BPIFB2: variants seen among roughly 807,000 people sequenced by gnomAD.
The protein encoded by BPIFB2 is BPI fold-containing family B member 2.
A neutral mutation model predicts 50.1 loss-of-function variants in BPIFB2; 39 were observed. That is an observed-to-expected ratio of 0.78 (90% CI 0.60 to 1.02). BPIFB2 has a LOEUF of 1.02. BPIFB2 is among the 50% of genes least tolerant of loss of function. BPIFB2 has a pLI of 0.00. For synonymous variants in BPIFB2, 280 were observed against 256.3 expected (o/e 1.09, Z -0.88); for missense variants, 574 against 585.8 (o/e 0.98, Z 0.21).
At position 33,021,732 on chromosome 20, in the gene BPIFB2, C is replaced by T; in HGVS notation, c.1268C>T (p.Ala423Val). 1 of 1,614,112 alleles carries T rather than the reference C, an allele frequency of 6.2e-7. No individual in the cohort carries two copies. The highest frequency in any genetic ancestry group is 8.5e-7 in the Non-Finnish European group (1 of 1,179,950). The change falls in exon 15 of 16, where the codon GCC (alanine) becomes GTC (valine). Residue 423 changes from alanine (A) to valine (V), a missense_variant. Physicochemically the swap from Ala to Val is moderately conservative, Grantham distance 64 (BLOSUM62 0). Transcript: ENST00000170150. ...PLLDHLNALL[A>V]MGIALPGVVN... is the part of the protein sequence containing the mutation. ...TCTTTCTCGCCTGCAGCTCTCTTGGCCATGGGAATTGCCCTCCCTGGTGTG... is the reference window on the plus strand; with the variant it reads ...TCTTTCTCGCCTGCAGCTCTCTTGGTCATGGGAATTGCCCTCCCTGGTGTG...
At chr20:33,013,745 T>C (rs1413304891) in intron 4 of BPIFB2, 65 bp from the exon 5 acceptor site, 1 of 1,554,710 alleles carries the variant, frequency 6.4e-7, no homozygotes, top group Non-Finnish European at 8.7e-7. Flanking sequence ...TTGTAAGATC[T>C]ATCATCAGTC....
In BPIFB2 at chr20:33,013,764, C is replaced by A. The variant is rs779151273; in HGVS notation, c.309-46C>A. ...AAGATCTATCATCAGTCATGGTGGG[C>A]TCTGCTGGGCGGTGCTGCTCGGGCT... is the stretch of plus-strand genomic sequence containing the variant. On this transcript the variant is annotated intron_variant, in intron 4 of 15. Coordinates refer to ENST00000170150, the MANE Select transcript of BPIFB2 (RefSeq NM_025227.3). 7 of 1,586,266 alleles carry A rather than the reference C, an allele frequency of 4.4e-6. No homozygotes were observed. The Admixed American group carries it at 1.2e-4, about 27-fold the overall frequency.
At chr20:33,020,448 G>A in intron 12 of BPIFB2, 53 bp downstream of exon 12, 1 of 1,604,748 alleles carries the variant, frequency 6.2e-7, no homozygotes, top group South Asian at 1.1e-5. Flanking sequence ...CTGTGCCATG[G>A]GTCCATCACC....
chr20:33,011,889 G>C (rs1450656544), intron 3 of BPIFB2, among the ~76,000 whole-genome samples: 1 of 152,214 alleles, frequency 6.6e-6, no homozygotes, highest in African/African-American at 2.4e-5. Context: ...TGAGGTGGGA[G>C]AATCTCTTGA....
chr20:33,017,136 C>T lies in BPIFB2; in HGVS notation c.577+34C>T, dbSNP rs375244658. ...TGGGAGCCAGGGGAGGGGGCTGGGG[C>T]CTCTGGGACCCCCTGGAGCCCCTAG... On this transcript the variant is annotated intron_variant, in intron 7 of 15. Transcript: ENST00000170150. 5.0e-6 allele frequency: 8 copies of T among 1,599,148 alleles called. No individual in the cohort carries two copies. In the South Asian group the frequency reaches 8.8e-5, roughly 18 times the overall value.
In BPIFB2 at chr20:33,014,080, G is replaced by C. The variant is rs115976602; in HGVS notation, c.455+124G>C. 8 of 1,294,028 alleles carry C rather than the reference G, an allele frequency of 6.2e-6. No individual in the cohort carries two copies. The South Asian group carries it at 1.2e-4, about 20-fold the overall frequency. The allele number at this position is 1,294,028 out of a possible 1,614,324, so 80.2% of individuals were successfully genotyped here. ...AAGGGCCTCAGGGGCCCCCATTATT[G>C]TGCTTGTTTTATGTCGGAGGACACT... On this transcript the variant is annotated intron_variant, in intron 5 of 15. Transcript: ENST00000170150.
At chr20:33,012,936 G>C in intron 4 of BPIFB2, 29 bp downstream of exon 4, 1 of 1,575,476 alleles carries the variant, frequency 6.3e-7, no homozygotes. Context: ...TAGGGGGTGA[G>C]AAGGGTTTTG....
intron 10 of BPIFB2, 102 bp from the exon 11 acceptor site, chr20:33,019,478 C>T: frequency 4.6e-6 from 6 of 1,313,412 alleles, no homozygotes; most frequent in Middle Eastern, 5.4e-4. Context: ...TGCCCAGTCA[C>T]ATACAGCGCC....
At chr20:33,020,961 C>T (rs1051750891) in intron 13 of BPIFB2, among the ~76,000 whole-genome samples, 11 of 152,198 alleles carry the variant, frequency 7.2e-5, no homozygotes, top group Non-Finnish European at 1.5e-5. Context: ...CGGTCATCTG[C>T]GTCAGGCAGT....
intron 4 of BPIFB2, among the ~76,000 whole-genome samples, chr20:33,013,581 G>A (rs1044530858): frequency 1.3e-5 from 2 of 152,188 alleles, no homozygotes; most frequent in African/African-American, 4.8e-5. Context: ...AGAGGCTCCG[G>A]ACAGCCAGTG....
intron 8 of BPIFB2, 36 bp from the exon 9 acceptor site, chr20:33,018,601 C>T (rs374100519): frequency 6.4e-7 from 1 of 1,566,264 alleles, no homozygotes. Flanking sequence ...TGAGGCCCTG[C>T]TGCTTTTCTC....
intron 6 of BPIFB2, 36 bp downstream of exon 6, chr20:33,015,532 T>A (rs762168559): frequency 6.5e-7 from 1 of 1,540,434 alleles, no homozygotes; most frequent in East Asian, 2.3e-5. Flanking sequence ...AAGGAGGGCA[T>A]GGCTTCACCG....
At chr20:33,012,929 G>A in intron 4 of BPIFB2, 22 bp downstream of exon 4, 1 of 1,580,150 alleles carries the variant, frequency 6.3e-7, no homozygotes, top group Non-Finnish European at 8.7e-7. Context: ...TCCTTGTTAG[G>A]GGGTGAGAAG....
chr20:33,020,582 A>G lies in BPIFB2; in HGVS notation c.1189A>G (p.Ile397Val), dbSNP rs148403687. The G allele has an allele frequency of 6.2e-5, 100 of 1,608,298 alleles. 1 individual carries two copies. In the South Asian group the frequency reaches 9.4e-4, roughly 15 times the overall value. Residue 397 changes from isoleucine to valine, a missense_variant, in exon 13 of 16, where the codon ATT becomes GTT. Transcript: ENST00000170150. ...LTVASSNVGF[I>V]DTDQVRTLMG... ...GGTGGCCTCCTCCAACGTGGGCTTC[A>G]TTGATGTGAGTGTGGGGCTGGGGCC...
Position 33,018,654 on chromosome 20 carries a change from G to T in BPIFB2, c.687G>T (p.Leu229=), listed in dbSNP as rs1354490719. The change falls in exon 9 of 16, where the codon CTG becomes CTT. Residue 229 remains leucine, a synonymous_variant. Transcript: ENST00000170150. The part of the protein sequence containing the change: ...SLEVNAVLFL[L]GKPIILPTDA... ...CCCTACAGGCTGTTCTCTTCCTGCT[G>T]GGCAAGCCCATCATCCTGCCCACGG... The T allele has an allele frequency of 4.3e-6, 7 of 1,613,022 alleles. No homozygotes were observed. The Admixed American group carries it at 6.7e-5, about 15-fold the overall frequency.
chr20:33,015,275 T>C (rs1978375087), intron 5 of BPIFB2, among the ~76,000 whole-genome samples, 161 bp from the exon 6 acceptor site: 1 of 152,102 alleles, frequency 6.6e-6, no homozygotes, highest in Non-Finnish European at 1.5e-5. Context: ...ATGGGGCCAG[T>C]TATGCCAGCA....
chr20:33,009,628 TG>T lies in BPIFB2; in HGVS notation c.109+946del, dbSNP rs1383495718. ...CATATCCGGGCTGATGGGCAGGCAA[TG>T]AAAGGGGTCAGTGATCCGTGCCAGA... On this transcript the variant is annotated intron_variant, in intron 2 of 15. Coordinates refer to ENST00000170150, the MANE Select transcript of BPIFB2 (RefSeq NM_025227.3). The surrounding 1 kb of genome is among the most constrained non-coding windows in gnomAD (Gnocchi z 4.2). Among the ~76,000 whole-genome samples, 1 of 152,012 alleles carries T rather than the reference TG, an allele frequency of 6.6e-6. No homozygotes were observed.
chr20:33,008,542 C>T lies in BPIFB2; in HGVS notation c.-33C>T, dbSNP rs747828974. 2.6e-6 allele frequency: 4 copies of T among 1,538,942 alleles called. No individual in the cohort carries two copies. The highest frequency in any genetic ancestry group is 1.8e-6 in the Non-Finnish European group (2 of 1,137,636). Reference sequence around the variant, plus strand: ...CCCTGATGCTCATTTCTACCCCAGCCCACAGATCCTGTGGGCAGCGGCCAG... The same window carrying T: ...CCCTGATGCTCATTTCTACCCCAGCTCACAGATCCTGTGGGCAGCGGCCAG... On this transcript the variant is annotated splice_region_variant and 5_prime_UTR_variant, in exon 2 of 16. Transcript: ENST00000170150.
Position 33,017,153 on chromosome 20 carries a change from A to T in BPIFB2, c.577+51A>T, listed in dbSNP as rs374911765. 36 of 1,567,344 alleles carry T rather than the reference A, an allele frequency of 2.3e-5. 1 individual carries two copies. Among genetic ancestry groups the T allele is most frequent in the East Asian group, 2.0e-4 (9 of 44,658 alleles). ...GGCTGGGGCCTCTGGGACCCCCTGG[A>T]GCCCCTAGAACCCTCCAAAGGCTCC... On this transcript the variant is annotated intron_variant, in intron 7 of 15. Coordinates refer to ENST00000170150, the MANE Select transcript of BPIFB2 (RefSeq NM_025227.3).
Sources: gnomAD v4.1 joint callset for allele counts (sites outside exome capture counted in the v4.1 genomes callset) on GRCh38, gnomAD v4.1.1 for gene constraint, Gnocchi (gnomAD v3.1) non-coding constraint, MANE v1.5 for transcripts, NCBI Gene and HGNC (gene_info 2026-07-23, HGNC 2026-07-21) for gene names.